GRIN1: variants seen among roughly 807,000 people sequenced by gnomAD.
GRIN1 encodes the protein glutamate receptor ionotropic, NMDA 1.
GRIN1 carries 38 observed loss-of-function variants against 103.0 expected under a neutral mutation model. The ratio of observed to expected loss-of-function variants is 0.37; its 90% CI spans 0.28 to 0.48. The LOEUF is 0.48. GRIN1 is among the 20% of genes least tolerant of loss of function. GRIN1 has a pLI of 0.98. For missense variants in GRIN1, 577 were observed against 1,288.9 expected (o/e 0.45, Z 8.46); for synonymous variants, 544 against 532.7 (o/e 1.02, Z -0.29).
Position 137,167,899 on chromosome 9 carries a change from T to C in GRIN1, c.*372T>C. ...CCCGGCCAAGGACACTGATGGGTCC[T>C]GCTGCTCGGGAAGGCCTGAGGGAAG... On this transcript the variant is annotated 3_prime_UTR_variant, in exon 20 of 20. Transcript: ENST00000371561. The C allele has an allele frequency of 3.3e-6, 5 of 1,509,554 alleles. No individual in the cohort carries two copies. Among genetic ancestry groups the C allele is most frequent in the Non-Finnish European group, 4.6e-6 (5 of 1,092,974 alleles). 93.5% of individuals were successfully genotyped at this position (1,509,554 alleles called of 1,614,324 possible).
rs762076372 is a variant in GRIN1, at chr9:137,149,080, G to A, written c.642G>A (p.Leu214=). The A allele has an allele frequency of 1.9e-6, 3 of 1,612,308 alleles. No homozygotes were observed. Among genetic ancestry groups the A allele is most frequent in the South Asian group, 1.1e-5 (1 of 90,760 alleles). The change falls in exon 4 of 20, where the codon CTG becomes CTA. Residue 214 remains leucine, a synonymous_variant. Transcript: ENST00000371561. ...CCCTGCTGATGGAGGCGAAAGAGCT[G>A]GAGGCCCGGGTCATCATCCTTTCTG... is the stretch of plus-strand genomic sequence containing the variant. ...VTALLMEAKE[L]EARVIILSAS... is the part of the protein sequence containing the mutation.
At chr9:137,157,960 A>G (rs1354218413) in intron 6 of GRIN1, among the ~76,000 whole-genome samples, 1 of 152,244 alleles carries the variant, frequency 6.6e-6, no homozygotes, top group Non-Finnish European at 1.5e-5. Flanking sequence ...ACACGTGCAC[A>G]CACAGCCGGA....
chr9:137,145,773 G>A lies in GRIN1; in HGVS notation c.441G>A (p.Gln147=). 6.2e-7 allele frequency: 1 copy of A among 1,613,540 alleles called. No individual in the cohort carries two copies. The highest frequency in any genetic ancestry group is 1.7e-4 in the Middle Eastern group (1 of 6,058). Residue 147 remains glutamine, a synonymous_variant, in exon 3 of 20, where the codon CAG becomes CAA. Transcript: ENST00000371561. The stretch of plus-strand genomic sequence containing the variant: ...GCACCGTGCCGCCCTACTCCCACCA[G>A]TCCAGCGTGTGGTTTGAGATGATGC... ...FLRTVPPYSH[Q]SSVWFEMMRV...
intron 2 of GRIN1, among the ~76,000 whole-genome samples, chr9:137,144,548 G>A (rs539565850): frequency 2.0e-4 from 31 of 152,166 alleles, no homozygotes; most frequent in Middle Eastern, 6.8e-3. Flanking sequence ...TCAGCTACTT[G>A]GGAGGCTGAG....
At chr9:137,148,463 C>T (rs1167194641) in intron 3 of GRIN1, among the ~76,000 whole-genome samples, 2 of 152,190 alleles carry the variant, frequency 1.3e-5, no homozygotes, top group African/African-American at 4.8e-5. Context: ...GAGCTGCTCT[C>T]CGGGAAGTGC....
intron 2 of GRIN1, among the ~76,000 whole-genome samples, chr9:137,143,050 G>A (rs1214735203): frequency 6.6e-6 from 1 of 152,250 alleles, no homozygotes; most frequent in Non-Finnish European, 1.5e-5. Context: ...GGCACTGAGA[G>A]GCTGACCAAC....
chr9:137,146,029 G>A lies in GRIN1; in HGVS notation c.570+127G>A, dbSNP rs1832511197. 1.4e-6 allele frequency: 1 copy of A among 693,956 alleles called. No homozygotes were observed. Among genetic ancestry groups the A allele is most frequent in the Non-Finnish European group, 2.5e-6 (1 of 406,804 alleles). 43.0% of individuals were successfully genotyped at this position (693,956 alleles called of 1,614,324 possible). A position where few individuals can be genotyped will look rare whatever the true frequency, so the allele number is the denominator to read the frequency against. ...TGCATGGTCAGCACCACCACGTCTG[G>A]CGAGCGCCCGCCCCAGCCTGTCCTC... On this transcript the variant is annotated intron_variant, in intron 3 of 19. Coordinates refer to ENST00000371561, the MANE Select transcript of GRIN1 (RefSeq NM_007327.4). This position sits in a 1 kb window ranked among gnomAD's most constrained non-coding sequence, Gnocchi z 6.7.
rs574502897 is a variant in GRIN1, at chr9:137,146,265, C to G, written c.570+363C>G. Among the ~76,000 whole-genome samples, 1 of 151,934 alleles carries G rather than the reference C, an allele frequency of 6.6e-6. No homozygotes were observed. Among genetic ancestry groups the G allele is most frequent in the African/African-American group, 2.4e-5 (1 of 41,354 alleles). ...CTTCCCGCCCACCCTGTCCTGAGTCCCCAGCAGCCTCCCTCTGGGCAAGGT... is the reference window on the plus strand; with the variant it reads ...CTTCCCGCCCACCCTGTCCTGAGTCGCCAGCAGCCTCCCTCTGGGCAAGGT... On this transcript the variant is annotated intron_variant, in intron 3 of 19. Transcript: ENST00000371561. This position sits in a 1 kb window ranked among gnomAD's most constrained non-coding sequence, Gnocchi z 6.7.
chr9:137,156,545 G>A, intron 4 of GRIN1, 124 bp from the exon 5 acceptor site: 1 of 1,391,262 alleles, frequency 7.2e-7, no homozygotes, highest in Admixed American at 2.0e-5. Context: ...AGGTCTGCAG[G>A]CTTCGCTCTA....
At chr9:137,165,753 G>T (rs1833843870) in intron 19 of GRIN1, among the ~76,000 whole-genome samples, 1 of 152,194 alleles carries the variant, frequency 6.6e-6, no homozygotes, top group South Asian at 2.1e-4. Flanking sequence ...CTTCGCCCCT[G>T]CGACGGCCCT....
Position 137,161,336 on chromosome 9 carries a change from C to T in GRIN1, c.1387C>T (p.Leu463Phe). 4 of 1,612,720 alleles carry T rather than the reference C, an allele frequency of 2.5e-6. No individual in the cohort carries two copies. The highest frequency in any genetic ancestry group is 3.4e-6 in the Non-Finnish European group (4 of 1,179,796). ...TTGCTACGGCTTTTGCATCGACCTG[C>T]TCATCAAGCTGGCACGGACCATGAA... is the stretch of plus-strand genomic sequence containing the variant. ...QCCYGFCIDL[L>F]IKLARTMNFT... is the part of the protein sequence containing the mutation. Residue 463 changes from leucine to phenylalanine, a missense_variant, in exon 10 of 20, where the codon CTC becomes TTC. Physicochemically the swap from Leu to Phe is conservative, Grantham distance 22. Transcript: ENST00000371561.
Position 137,167,549 on chromosome 9 carries a change from T to G in GRIN1, c.*22T>G. On this transcript the variant is annotated 3_prime_UTR_variant, in exon 20 of 20. Transcript: ENST00000371561. ...CTGAGACTCCCCGCCCGCCCTCCTC[T>G]GCCCCCTCCCCCGCAGACAGACAGA... The G allele has an allele frequency of 4.9e-6, 5 of 1,028,762 alleles. No individual in the cohort carries two copies. Among genetic ancestry groups the G allele is most frequent in the Non-Finnish European group, 5.5e-6 (4 of 733,764 alleles). 63.7% of individuals were successfully genotyped at this position (1,028,762 alleles called of 1,614,324 possible). A position where few individuals can be genotyped will look rare whatever the true frequency, so the allele number is the denominator to read the frequency against.
At chr9:137,147,463 T>C (rs556631742) in intron 3 of GRIN1, among the ~76,000 whole-genome samples, 16 of 151,138 alleles carry the variant, frequency 1.1e-4, no homozygotes, top group Admixed American at 5.2e-4. Flanking sequence ...CGCACACACA[T>C]GCACACACGC....
rs1336925517 is a variant in GRIN1 at position 137,161,428 on chromosome 9, G to T, written c.1467+12G>T. ...GCACACAGGAGCGGGTAGGCTGGACGGCGGGGGTGGGGACCAGCGTGAGAG... is the reference window on the plus strand; with the variant it reads ...GCACACAGGAGCGGGTAGGCTGGACTGCGGGGGTGGGGACCAGCGTGAGAG... On this transcript the variant is annotated intron_variant, in intron 10 of 19. Coordinates refer to ENST00000371561, the MANE Select transcript of GRIN1 (RefSeq NM_007327.4). The T allele has an allele frequency of 1.9e-6, 3 of 1,608,104 alleles. No individual in the cohort carries two copies.
chr9:137,144,522 G>C (rs1158950740), intron 2 of GRIN1, among the ~76,000 whole-genome samples: 1 of 152,108 alleles, frequency 6.6e-6, no homozygotes, highest in Non-Finnish European at 1.5e-5. Context: ...GGGCGTGGTG[G>C]CGGGCGCCTG....
intron 18 of GRIN1, 194 bp from the exon 19 acceptor site, chr9:137,164,992 G>A: frequency 1.7e-6 from 1 of 604,784 alleles, no homozygotes; most frequent in South Asian, 1.8e-5. Context: ...AGCAAGGTCA[G>A]GCCCGAGACC....
intron 4 of GRIN1, among the ~76,000 whole-genome samples, chr9:137,154,110 CT>C (rs869310108): frequency 0.024 from 3,436 of 143,900 alleles, 59 homozygotes; most frequent in Non-Finnish European, 0.035. Context: ...CCGTGCCTGC[CT>C]TTTTTTTTTT....
At position 137,146,784 on chromosome 9, in the gene GRIN1, A is replaced by G. The variant is rs1169775184; in HGVS notation, c.570+882A>G. ...GCCAGACCTATGGGTGGCTGGGAGC[A>G]TGTTTCGTGTCAGAGCTGGCTTCAT... On this transcript the variant is annotated intron_variant, in intron 3 of 19. Transcript: ENST00000371561. This position sits in a 1 kb window ranked among gnomAD's most constrained non-coding sequence, Gnocchi z 6.7. Among the ~76,000 whole-genome samples the G allele has an allele frequency of 6.6e-6, 1 of 152,050 alleles. No homozygotes were observed. Among genetic ancestry groups the G allele is most frequent in the Non-Finnish European group, 1.5e-5 (1 of 68,004 alleles).
Position 137,139,405 on chromosome 9 carries a change from A to T in GRIN1, c.-82A>T, listed in dbSNP as rs751679885. On this transcript the variant is annotated 5_prime_UTR_variant, in exon 1 of 20. Transcript: ENST00000371561. The surrounding 1 kb of genome is among the most constrained non-coding windows in gnomAD (Gnocchi z 7.7). ...GCAGCCCGCGGGGCCGGGCGAGCGC[A>T]GGACGGCCCGGAAGCCCCGCGGGGG... 7.0e-6 allele frequency: 7 copies of T among 997,444 alleles called. No homozygotes were observed. The highest frequency in any genetic ancestry group is 7.8e-6 in the Non-Finnish European group (6 of 769,144). 61.8% of individuals were successfully genotyped at this position (997,444 alleles called of 1,614,324 possible).
Sources: gnomAD v4.1 joint callset for allele counts (sites outside exome capture counted in the v4.1 genomes callset) on GRCh38, gnomAD v4.1.1 for gene constraint, Gnocchi (gnomAD v3.1) non-coding constraint, MANE v1.5 for transcripts, NCBI Gene and HGNC (gene_info 2026-07-23, HGNC 2026-07-21) for gene names.